SLFN12L: variants seen among roughly 807,000 people sequenced by gnomAD.
SLFN12L encodes schlafen family member 12-like.
In SLFN12L, 34 loss-of-function variants were observed where a neutral mutation model predicts 34.8. That is an observed-to-expected ratio of 0.98 (90% CI 0.74 to 1.30). The LOEUF (loss-of-function observed/expected upper bound fraction) is 1.30. SLFN12L is among the 50% of genes most tolerant of loss of function. The pLI, the probability that SLFN12L is intolerant of heterozygous loss-of-function variation, is 0.00. For missense variants in SLFN12L, 703 were observed against 696.2 expected, an observed-to-expected ratio of 1.01 and a Z score of -0.11; for synonymous variants, 259 against 247.5, an observed-to-expected ratio of 1.05 and a Z score of -0.44.
intron 2 of SLFN12L, among the ~76,000 whole-genome samples, chr17:35,512,489 C>T (rs1018710116): frequency 3.3e-5 from 5 of 151,902 alleles, no homozygotes; most frequent in African/African-American, 1.2e-4. Flanking sequence ...CCTCAGCCTC[C>T]TGAGTAGCTG....
Position 35,471,430 on chromosome 17 carries a change from C to A in SLFN12L, c.*3493G>T, listed in dbSNP as rs1913807142. 3.3e-5 allele frequency among the ~76,000 whole-genome samples: 5 copies of A among 152,284 alleles called. No individual in the cohort carries two copies. In the South Asian group the frequency reaches 1.0e-3, roughly 32 times the overall value. ...GGGATTACAGGCATGAGCCACCGCG[C>A]CACGCCTGCATGTATCTTTATAGTA... On this transcript the variant is annotated 3_prime_UTR_variant, in exon 5 of 5. Transcript: ENST00000628453.
chr17:35,481,200 A>C (rs1914323279), intron 2 of SLFN12L, among the ~76,000 whole-genome samples: 1 of 152,228 alleles, frequency 6.6e-6, no homozygotes, highest in African/African-American at 2.4e-5. Flanking sequence ...TAACAGTAGC[A>C]TCAGTGCCTG....
chr17:35,522,325 T>C lies in SLFN12L; in HGVS notation c.40A>G (p.Arg14Gly), dbSNP rs1916022497. ...IRNVFHCEAH[R>G]ILYICESQFL... ...TGACTTTCACAAATGTAGAGAATTC[T>C]GTGTGCCTCACAGTGAAACACATTC... Residue 14 changes from arginine (R) to glycine (G), a missense_variant, in exon 2 of 5, where the codon AGA becomes GGA. Physicochemically the swap from Arg to Gly is moderately radical, Grantham distance 125. Transcript: ENST00000628453. 5 of 1,614,216 alleles carry C rather than the reference T, an allele frequency of 3.1e-6. No homozygotes were observed. The highest frequency in any genetic ancestry group is 1.3e-5 in the African/African-American group (1 of 75,052).
chr17:35,522,511 G>A lies in SLFN12L; in HGVS notation c.-147C>T. 1 of 1,612,986 alleles carries A rather than the reference G, an allele frequency of 6.2e-7. No homozygotes were observed. The highest frequency in any genetic ancestry group is 8.5e-7 in the Non-Finnish European group (1 of 1,179,396). On this transcript the variant is annotated 5_prime_UTR_variant, in exon 2 of 5. Transcript: ENST00000628453. Reference sequence around the variant, plus strand: ...TCATAGCTGCACAGGTCACTCAAGAGAGACCTGAAGCCGAGCAAGACAATC... The same window carrying A: ...TCATAGCTGCACAGGTCACTCAAGAAAGACCTGAAGCCGAGCAAGACAATC...
At chr17:35,492,262 G>A (rs1364949236) in intron 2 of SLFN12L, among the ~76,000 whole-genome samples, 3 of 152,208 alleles carry the variant, frequency 2.0e-5, no homozygotes, top group African/African-American at 7.2e-5. Context: ...AGAAGGAGGA[G>A]CTTGGAGCGA....
intron 2 of SLFN12L, among the ~76,000 whole-genome samples, chr17:35,485,193 T>C (rs1914530329): frequency 6.6e-6 from 1 of 152,218 alleles, no homozygotes; most frequent in Non-Finnish European, 1.5e-5. Flanking sequence ...AATTTTTTCC[T>C]ACATATTTTG....
chr17:35,476,914 A>G (rs1367323758), intron 4 of SLFN12L, among the ~76,000 whole-genome samples: 4 of 152,218 alleles, frequency 2.6e-5, no homozygotes, highest in African/African-American at 9.6e-5. Flanking sequence ...TTACTAGAAA[A>G]TAAGAGAAAA....
intron 2 of SLFN12L, chr17:35,514,932 C>A: frequency 2.4e-6 from 1 of 422,424 alleles, no homozygotes; most frequent in South Asian, 1.9e-5. Flanking sequence ...GTCAGGTGGT[C>A]TACACCTTTA....
At chr17:35,478,878 G>A (rs1914155497) in intron 3 of SLFN12L, among the ~76,000 whole-genome samples, 1 of 152,172 alleles carries the variant, frequency 6.6e-6, no homozygotes, top group African/African-American at 2.4e-5. Flanking sequence ...TGGTAGAGAA[G>A]AAACATCTAG....
At position 35,474,933 on chromosome 17, in the gene SLFN12L, A is replaced by G; in HGVS notation, c.1829T>C (p.Phe610Ser). The change falls in exon 5 of 5, where the codon TTC becomes TCC. Residue 610 changes from phenylalanine (F) to serine (S), a missense_variant. Physicochemically the swap from Phe to Ser is radical, Grantham distance 155 (BLOSUM62 -2). Transcript: ENST00000628453. ...CLFVCWFVCF[F>S]LR ...GTGACAGAGTGAGACTCATCTCAAG[A>G]AAAAACAAACAAACCAACAAACAAA... 2.6e-6 allele frequency: 4 copies of G among 1,546,354 alleles called. No homozygotes were observed. Among genetic ancestry groups the G allele is most frequent in the Non-Finnish European group, 3.5e-6 (4 of 1,145,254 alleles).
rs747352679 is a variant in SLFN12L at position 35,480,061 on chromosome 17, T to C, written c.221A>G (p.Lys74Arg). ...CTGCTGTTTTCTCAGTTGACAATCC[T>C]TCATTTTTTTTCTATTGTTCTCTCC... Reference protein sequence around the residue: ...TLGENNRKKMKDCQLRKQQNE... With the variant: ...TLGENNRKKMRDCQLRKQQNE... The change falls in exon 3 of 5, where the codon AAG (lysine) becomes AGG (arginine). Residue 74 changes from lysine to arginine, a missense_variant. Physicochemically the swap from Lys to Arg is conservative, Grantham distance 26. Coordinates refer to ENST00000628453, the MANE Select transcript of SLFN12L (RefSeq NM_001363830.2). 1 of 1,614,206 alleles carries C rather than the reference T, an allele frequency of 6.2e-7. No homozygotes were observed. Among genetic ancestry groups the C allele is most frequent in the Admixed American group, 1.7e-5 (1 of 60,012 alleles).
In SLFN12L at chr17:35,522,636, G is replaced by C. The variant is rs550212226; in HGVS notation, c.-272C>G. 1 of 1,613,438 alleles carries C rather than the reference G, an allele frequency of 6.2e-7. No homozygotes were observed. Among genetic ancestry groups the C allele is most frequent in the African/African-American group, 1.3e-5 (1 of 74,884 alleles). ...ACACTGCAGCCTCCAAAGCCTCTGC[G>C]CTGCTCTCAGGACTCAGGCAGAGGA... On this transcript the variant is annotated 5_prime_UTR_variant, in exon 2 of 5. Transcript: ENST00000628453.
Position 35,466,075 on chromosome 17 carries a change from G to T in SLFN12L, c.*8848C>A, listed in dbSNP as rs981525853. 2.0e-5 allele frequency among the ~76,000 whole-genome samples: 3 copies of T among 152,104 alleles called. No individual in the cohort carries two copies. Among genetic ancestry groups the T allele is most frequent in the African/African-American group, 7.2e-5 (3 of 41,418 alleles). ...CCATATACCCACTGCCCGCACTCAT[G>T]CATAGCCTCCCCCATTAGCAACATC... On this transcript the variant is annotated 3_prime_UTR_variant, in exon 5 of 5. Transcript: ENST00000628453.
At chr17:35,478,754 G>A (rs1459095520) in intron 3 of SLFN12L, among the ~76,000 whole-genome samples, 3 of 152,202 alleles carry the variant, frequency 2.0e-5, no homozygotes, top group Non-Finnish European at 4.4e-5. Context: ...GAAAGAGCAA[G>A]CAAGTAAAAG....
chr17:35,485,020 C>A (rs1401348366), intron 2 of SLFN12L, among the ~76,000 whole-genome samples: 1 of 152,146 alleles, frequency 6.6e-6, no homozygotes, highest in Non-Finnish European at 1.5e-5. Flanking sequence ...TGTTGGCATA[C>A]AATTTTTTAC....
intron 2 of SLFN12L, among the ~76,000 whole-genome samples, chr17:35,513,308 C>T (rs1915715060): frequency 6.6e-6 from 1 of 152,028 alleles, no homozygotes; most frequent in Non-Finnish European, 1.5e-5. Flanking sequence ...GTGACTTGCC[C>T]GAGGCTGTGC....
rs1913851741 is a variant in SLFN12L, at chr17:35,473,977, G to T, written c.*946C>A. ...TCTCTTGCCCAAGCTGGAGTGCAGT[G>T]GTGTGGTCTTGGCTCACTGTAACCT... On this transcript the variant is annotated 3_prime_UTR_variant, in exon 5 of 5. Coordinates refer to ENST00000628453, the MANE Select transcript of SLFN12L (RefSeq NM_001363830.2). The T allele has an allele frequency of 6.6e-6, 1 of 152,198 alleles. No individual in the cohort carries two copies. Among genetic ancestry groups the T allele is most frequent in the African/African-American group, 2.4e-5 (1 of 41,428 alleles). The allele number at this position is 152,198 out of a possible 1,614,324, so 9.4% of individuals were successfully genotyped here.
Position 35,475,156 on chromosome 17 carries a change from C to T in SLFN12L, c.1606G>A (p.Val536Ile), listed in dbSNP as rs528488296. The change falls in exon 5 of 5, where the codon GTC becomes ATC. Residue 536 changes from valine (V) to isoleucine (I), a missense_variant. Physicochemically the swap from Val to Ile is conservative, Grantham distance 29. Transcript: ENST00000628453. The part of the protein sequence containing the change: ...KIGGYTKKVC[V>I]MTKIFYLSPE... ...CTCAAGTAGAAGATCTTTGTCATGA[C>T]ACACACTTTTTTAGTGTAACCACCA... 6 of 1,614,154 alleles carry T rather than the reference C, an allele frequency of 3.7e-6. No individual in the cohort carries two copies. The highest frequency in any genetic ancestry group is 1.7e-5 in the Admixed American group (1 of 60,026).
rs1000887493 is a variant in SLFN12L at position 35,517,767 on chromosome 17, T to G, written c.86+4512A>C. Among the ~76,000 whole-genome samples, 4 of 152,282 alleles carry G rather than the reference T, an allele frequency of 2.6e-5. 1 individual carries two copies. Among genetic ancestry groups the G allele is most frequent in the South Asian group, 2.1e-4 (1 of 4,828 alleles). On this transcript the variant is annotated intron_variant, in intron 2 of 4. Transcript: ENST00000628453. ...CCACACATCTACAACCATCTGATCT[T>G]CGACAAAACTGACAAAACAAACAAT...
Sources: gnomAD v4.1 joint callset for allele counts (sites outside exome capture counted in the v4.1 genomes callset) on GRCh38, gnomAD v4.1.1 for gene constraint, MANE v1.5 for transcripts, NCBI Gene and HGNC (gene_info 2026-07-23, HGNC 2026-07-21) for gene names.